PMS2: variants seen among roughly 807,000 people sequenced by gnomAD.
The protein encoded by PMS2 is PMS1 homolog 2, mismatch repair system component, also known as mismatch repair endonuclease PMS2.
In PMS2, 69 loss-of-function variants were observed where a neutral mutation model predicts 90.0. That is an observed-to-expected ratio of 0.77 (90% CI 0.63 to 0.94). The LOEUF is 0.94. PMS2 is among the 40% of genes least tolerant of loss of function. The pLI is 0.00. For missense variants in PMS2, 966 were observed against 1,040.2 expected (o/e 0.93, Z 0.98); for synonymous variants, 332 against 375.1 (o/e 0.89, Z 1.33).
intron 14 of PMS2, among the ~76,000 whole-genome samples, chr7:5,976,167 C>T (rs1195528422): frequency 1.9e-4 from 26 of 140,458 alleles, no homozygotes; most frequent in African/African-American, 4.0e-4. Context: ...ACCTGGGAGG[C>T]GGAGGTTGCA....
At chr7:5,987,742 A>C in intron 10 of PMS2, 122 bp from the exon 11 acceptor site, 1 of 1,043,524 alleles carries the variant, frequency 9.6e-7, no homozygotes, top group Non-Finnish European at 1.5e-6. Context: ...AGATGAACAC[A>C]GTTCAATGTT....
chr7:5,981,170 C>T (rs1293285813), intron 12 of PMS2, among the ~76,000 whole-genome samples: 1 of 151,708 alleles, frequency 6.6e-6, no homozygotes. Context: ...TCCAGTTTGG[C>T]CGAGGAGAGA....
rs1445081606 is a variant in PMS2 at position 6,007,109 on chromosome 7, ATTATTG to A, written c.24-1084_24-1079del. Among the ~76,000 whole-genome samples, 341 of 149,272 alleles carry A rather than the reference ATTATTG, an allele frequency of 2.3e-3. 2 individuals carry two copies. Among genetic ancestry groups the A allele is most frequent in the African/African-American group, 8.1e-3 (326 of 40,370 alleles). On this transcript the variant is annotated intron_variant, in intron 1 of 14. Coordinates refer to ENST00000265849, the MANE Select transcript of PMS2 (RefSeq NM_000535.7). The stretch of plus-strand genomic sequence containing the variant: ...CTACATTATTATTATTATTATTATT[ATTATTG>A]TTATTATTGTTATTATTTGAGACAG...
chr7:5,983,545 A>C lies in PMS2; in HGVS notation c.2007-554T>G, dbSNP rs1479589525. On this transcript the variant is annotated intron_variant, in intron 11 of 14. Transcript: ENST00000265849. ...TTGTCTCCATATATAATTTTTTTTA[A>C]TTTTAAAAAACAAAAATGGAATCTT... Among the ~76,000 whole-genome samples the C allele has an allele frequency of 1.3e-5, 2 of 151,852 alleles. 1 individual carries two copies. Among genetic ancestry groups the C allele is most frequent in the Non-Finnish European group, 2.9e-5 (2 of 68,032 alleles).
chr7:5,984,474 C>A (rs943377604), intron 11 of PMS2, among the ~76,000 whole-genome samples: 5 of 151,720 alleles, frequency 3.3e-5, no homozygotes, highest in Non-Finnish European at 7.3e-5. Flanking sequence ...CAGCCATGGA[C>A]GTTTTCTGGT....
chr7:5,978,213 G>A (rs1453063394), intron 13 of PMS2, among the ~76,000 whole-genome samples: 1 of 150,106 alleles, frequency 6.7e-6, no homozygotes, highest in Non-Finnish European at 1.5e-5. Context: ...AAAAAAAACT[G>A]GTCTATATGA....
At chr7:5,991,239 CA>C (rs1241763663) in intron 9 of PMS2, among the ~76,000 whole-genome samples, 1 of 151,458 alleles carries the variant, frequency 6.6e-6, no homozygotes, top group Non-Finnish European at 1.5e-5. Flanking sequence ...GAGCAGTATA[CA>C]AAATTATTTT....
At chr7:6,006,975 T>A (rs765073482) in intron 1 of PMS2, among the ~76,000 whole-genome samples, 9 of 152,126 alleles carry the variant, frequency 5.9e-5, no homozygotes, top group Non-Finnish European at 1.0e-4. Context: ...GCTTAAAAAT[T>A]TACTAGTGCC....
intron 1 of PMS2, among the ~76,000 whole-genome samples, chr7:6,007,948 C>T (rs532137197): frequency 6.6e-6 from 1 of 151,780 alleles, no homozygotes; most frequent in East Asian, 1.9e-4. Context: ...CAACCTCCGC[C>T]TCCTGGGTTC....
intron 7 of PMS2, among the ~76,000 whole-genome samples, chr7:5,996,113 C>T (rs1784364199): frequency 6.6e-6 from 1 of 152,124 alleles, no homozygotes; most frequent in Non-Finnish European, 1.5e-5. Flanking sequence ...GAGACCCACC[C>T]CAGGGATACC....
Position 6,007,648 on chromosome 7 carries a change from A to G in PMS2, c.23+1349T>C, listed in dbSNP as rs1359729086. Among the ~76,000 whole-genome samples the G allele has an allele frequency of 3.3e-5, 5 of 152,286 alleles. No individual in the cohort carries two copies. In the South Asian group the frequency reaches 8.3e-4, roughly 25 times the overall value. ...CTCCATGAAAGAGAAATCACTGGGT[A>G]TTTCCTACAGCATTTAACACATCGT... On this transcript the variant is annotated intron_variant, in intron 1 of 14. Transcript: ENST00000265849.
chr7:6,000,323 G>T (rs1472731789), intron 5 of PMS2, among the ~76,000 whole-genome samples: 3 of 148,072 alleles, frequency 2.0e-5, no homozygotes, highest in Non-Finnish European at 4.4e-5. Context: ...GCGGTAAGCT[G>T]AGATTGTGCC....
intron 10 of PMS2, 92 bp from the exon 11 acceptor site, chr7:5,987,712 G>T (rs778459182): frequency 9.1e-5 from 87 of 954,072 alleles, no homozygotes; most frequent in Non-Finnish European, 1.4e-4. Context: ...CAAAAGAGGA[G>T]ATCCACATGC....
chr7:5,987,077 C>T lies in PMS2; in HGVS notation c.1688G>A (p.Arg563Gln), dbSNP rs63750668. 1.5e-4 allele frequency: 244 copies of T among 1,613,784 alleles called. No homozygotes were observed. Among genetic ancestry groups the T allele is most frequent in the East Asian group, 1.0e-3 (47 of 44,880 alleles). ...SNQEDTGCKFRVLPQPTNLAT... is the reference protein window; with the variant it reads ...SNQEDTGCKFQVLPQPTNLAT... ...GAGATTAGTTGGCTGAGGCAAAACT[C>T]GAAATTTACATCCGGTATCTTCCTG... The change falls in exon 11 of 15, where the codon CGA (arginine) becomes CAA (glutamine). Residue 563 changes from arginine to glutamine, a missense_variant. Around this residue, in one of 2 missense-constraint regions of PMS2, gnomAD observed 871 missense variants for 802.4 expected, o/e 1.09. Coordinates refer to ENST00000265849, the MANE Select transcript of PMS2 (RefSeq NM_000535.7).
intron 14 of PMS2, among the ~76,000 whole-genome samples, chr7:5,976,007 A>G (rs1272975346): frequency 2.1e-5 from 3 of 143,698 alleles, no homozygotes; most frequent in African/African-American, 2.5e-5. Context: ...TTGGGAGACC[A>G]AGGCGGGCAG....
rs376931673 is a variant in PMS2, at chr7:6,002,568, C to G, written c.422G>C (p.Gly141Ala). 8 of 1,611,726 alleles carry G rather than the reference C, an allele frequency of 5.0e-6. No individual in the cohort carries two copies. The African/African-American group carries it at 1.1e-4, about 22-fold the overall frequency. ...GTAGGGGGTTTTCTGGATAATTTTC[C>G]CATTGTGATCAAACATCAGTCGAGT... is the stretch of plus-strand genomic sequence containing the variant. ...VGTRLMFDHNGKIIQKTPYPR... is the reference protein window; with the variant it reads ...VGTRLMFDHNAKIIQKTPYPR... Residue 141 changes from glycine (G) to alanine (A), a missense_variant, in exon 5 of 15, where the codon GGG becomes GCG. Gly to Ala is a moderately conservative substitution (Grantham distance 60). Transcript: ENST00000265849.
chr7:6,000,884 G>T (rs966058975), intron 5 of PMS2, among the ~76,000 whole-genome samples: 3 of 152,030 alleles, frequency 2.0e-5, no homozygotes, highest in African/African-American at 7.2e-5. Context: ...CCAGCTACTC[G>T]AGAGGCTGAG....
chr7:5,998,229 C>T (rs919041362), intron 6 of PMS2, among the ~76,000 whole-genome samples: 6 of 151,364 alleles, frequency 4.0e-5, no homozygotes, highest in African/African-American at 1.2e-4. Context: ...TTACAGGTGC[C>T]TGCCACCACG....
intron 1 of PMS2, among the ~76,000 whole-genome samples, chr7:6,006,993 C>A (rs919213928): frequency 6.6e-6 from 1 of 152,102 alleles, no homozygotes. Flanking sequence ...GCCCCACTTC[C>A]TACTATATGA....
Sources: gnomAD v4.1 joint callset for allele counts (sites outside exome capture counted in the v4.1 genomes callset) on GRCh38, gnomAD v4.1.1 for gene constraint, gnomAD v4.1.1 regional missense constraint, MANE v1.5 for transcripts, NCBI Gene and HGNC (gene_info 2026-07-23, HGNC 2026-07-21) for gene names.